SLC10A7: variants seen among roughly 807,000 people sequenced by gnomAD.
SLC10A7 encodes the protein solute carrier family 10 member 7.
SLC10A7 carries 29 observed loss-of-function variants against 43.2 expected under a neutral mutation model. The observed-to-expected ratio is 0.67, with a 90% CI of 0.50 to 0.92. The LOEUF (loss-of-function observed/expected upper bound fraction) is 0.92, where lower values mean the gene tolerates loss of function less well. SLC10A7 is among the 40% of genes least tolerant of loss of function. SLC10A7 has a pLI of 0.00. For missense variants in SLC10A7, 295 were observed against 403.2 expected (o/e 0.73, Z 2.30); for synonymous variants, 152 against 144.8 (o/e 1.05, Z -0.35).
chr4:146,407,082 C>T (rs1353656439), intron 5 of SLC10A7, among the ~76,000 whole-genome samples: 2 of 152,142 alleles, frequency 1.3e-5, no homozygotes, highest in Non-Finnish European at 2.9e-5. Flanking sequence ...GGGATCTTTC[C>T]TACCCCTCAC....
chr4:146,322,681 T>C (rs1179623145), intron 6 of SLC10A7, among the ~76,000 whole-genome samples: 6 of 152,158 alleles, frequency 3.9e-5, no homozygotes, highest in South Asian at 4.1e-4. Context: ...ACAATAAACA[T>C]ACGTGTGCAT....
At chr4:146,277,586 T>C (rs140733358) in intron 10 of SLC10A7, among the ~76,000 whole-genome samples, 4 of 152,338 alleles carry the variant, frequency 2.6e-5, no homozygotes, top group Admixed American at 2.6e-4. Flanking sequence ...ATCTGTCAAA[T>C]GGCAAAGACT....
rs541099898 is a variant in SLC10A7 at position 146,257,787 on chromosome 4, G to C, written c.993+905C>G. 5.9e-5 allele frequency among the ~76,000 whole-genome samples: 9 copies of C among 152,324 alleles called. No homozygotes were observed. The South Asian group carries it at 1.9e-3, about 32-fold the overall frequency. On this transcript the variant is annotated intron_variant, in intron 11 of 11. Coordinates refer to ENST00000335472, the MANE Select transcript of SLC10A7 (RefSeq NM_001029998.6). ...CAGGATGAGAAGGCCAGCAGCCTGAGCTCTGAGCCCAGGCAGGCTGGCCCA... is the reference window on the plus strand; with the variant it reads ...CAGGATGAGAAGGCCAGCAGCCTGACCTCTGAGCCCAGGCAGGCTGGCCCA...
At chr4:146,264,333 C>T (rs1728420027) in intron 10 of SLC10A7, among the ~76,000 whole-genome samples, 1 of 152,160 alleles carries the variant, frequency 6.6e-6, no homozygotes, top group East Asian at 1.9e-4. Context: ...CATTTTTCTT[C>T]TTAGATTAAA....
At chr4:146,352,629 C>G (rs374710337) in intron 5 of SLC10A7, among the ~76,000 whole-genome samples, 8 of 136,460 alleles carry the variant, frequency 5.9e-5, no homozygotes, top group East Asian at 2.2e-4. Flanking sequence ...TGACCACATA[C>G]TTGGAAGTAA....
At chr4:146,510,169 T>TAACATCACATGAGTTAGTTCTTAA in intron 2 of SLC10A7, 120 bp from the exon 3 acceptor site, 1 of 854,188 alleles carries the variant, frequency 1.2e-6, no homozygotes, top group Non-Finnish European at 1.7e-6. Context: ...ATAGCTAAAA[T>TAACATCACATGAGTTAGTTCTTAA]TTTTATCTAT....
intron 4 of SLC10A7, among the ~76,000 whole-genome samples, chr4:146,483,568 C>T (rs992549052): frequency 1.3e-5 from 2 of 151,544 alleles, no homozygotes; most frequent in East Asian, 1.9e-4. Flanking sequence ...GAATAAAGAA[C>T]AAAACAACCA....
In SLC10A7 at chr4:146,271,789, A is replaced by T. The variant is rs569976407; in HGVS notation, c.847+11403T>A. ...GGTGAGCTTCCTCCTCCTTCCTCCAACATGCCAAGCGCACTGCTGCCTCAG... is the reference window on the plus strand; with the variant it reads ...GGTGAGCTTCCTCCTCCTTCCTCCATCATGCCAAGCGCACTGCTGCCTCAG... On this transcript the variant is annotated intron_variant, in intron 10 of 11. Transcript: ENST00000335472. Among the ~76,000 whole-genome samples the T allele has an allele frequency of 5.1e-4, 77 of 152,136 alleles. 1 individual carries two copies. Among genetic ancestry groups the T allele is most frequent in the South Asian group, 2.7e-3 (13 of 4,808 alleles).
At chr4:146,284,834 T>C (rs1729784010) in intron 9 of SLC10A7, among the ~76,000 whole-genome samples, 1 of 152,112 alleles carries the variant, frequency 6.6e-6, no homozygotes, top group African/African-American at 2.4e-5. Flanking sequence ...TCCATAAGGT[T>C]CCGTAAATGC....
intron 5 of SLC10A7, among the ~76,000 whole-genome samples, chr4:146,348,544 T>C (rs1734789529): frequency 6.6e-6 from 1 of 152,212 alleles, no homozygotes; most frequent in Non-Finnish European, 1.5e-5. Context: ...TTGCTTTAAG[T>C]AAAATGACTT....
At chr4:146,389,561 CAT>C (rs2149801586) in intron 5 of SLC10A7, among the ~76,000 whole-genome samples, 1 of 152,318 alleles carries the variant, frequency 6.6e-6, no homozygotes, top group African/African-American at 2.4e-5. Flanking sequence ...CTAAAACAAA[CAT>C]ACACTTAATG....
At chr4:146,356,051 A>AACAT (rs1553961389) in intron 5 of SLC10A7, among the ~76,000 whole-genome samples, 2 of 140,150 alleles carry the variant, frequency 1.4e-5, no homozygotes, top group African/African-American at 5.2e-5. Flanking sequence ...AAAAAAAAAA[A>AACAT]ATATATATAT....
At chr4:146,286,813 G>A (rs1730015079) in intron 9 of SLC10A7, among the ~76,000 whole-genome samples, 1 of 146,496 alleles carries the variant, frequency 6.8e-6, no homozygotes, top group African/African-American at 2.5e-5. Context: ...GTGGTGAGAA[G>A]GACTGTTTGG....
At chr4:146,431,573 A>G (rs2149870715) in intron 5 of SLC10A7, among the ~76,000 whole-genome samples, 1 of 152,256 alleles carries the variant, frequency 6.6e-6, no homozygotes, top group Non-Finnish European at 1.5e-5. Flanking sequence ...CAGACACATA[A>G]ACCTTACAAC....
chr4:146,442,905 C>A, intron 4 of SLC10A7, 84 bp from the exon 5 acceptor site: 1 of 966,982 alleles, frequency 1.0e-6, no homozygotes, highest in Non-Finnish European at 1.5e-6. Flanking sequence ...CTCCCCTCCC[C>A]CACTATTCAA....
intron 4 of SLC10A7, among the ~76,000 whole-genome samples, chr4:146,484,649 A>T (rs1340124754): frequency 6.6e-6 from 1 of 152,212 alleles, no homozygotes; most frequent in East Asian, 1.9e-4. Flanking sequence ...CATGAGGACA[A>T]TAGGTAATAA....
At chr4:146,331,423 T>C (rs1052982144) in intron 5 of SLC10A7, among the ~76,000 whole-genome samples, 5 of 152,216 alleles carry the variant, frequency 3.3e-5, no homozygotes, top group African/African-American at 7.2e-5. Context: ...TTCTGTCTAG[T>C]AGAAAAAATA....
At chr4:146,350,403 T>G (rs1237916800) in intron 5 of SLC10A7, among the ~76,000 whole-genome samples, 2 of 141,476 alleles carry the variant, frequency 1.4e-5, no homozygotes. Context: ...TCTCGCTGAT[T>G]GCTAGCACAG....
At chr4:146,385,610 CTTTTA>C (rs1026005389) in intron 5 of SLC10A7, among the ~76,000 whole-genome samples, 1 of 152,052 alleles carries the variant, frequency 6.6e-6, no homozygotes, top group Non-Finnish European at 1.5e-5. Context: ...CTCGAAATAA[CTTTTA>C]TTTTAGATGC....
Sources: gnomAD v4.1 joint callset for allele counts (sites outside exome capture counted in the v4.1 genomes callset) on GRCh38, gnomAD v4.1.1 for gene constraint, MANE v1.5 for transcripts, NCBI Gene and HGNC (gene_info 2026-07-23, HGNC 2026-07-21) for gene names.